PLEKHM2: variants seen among roughly 807,000 people sequenced by gnomAD.
PLEKHM2 encodes pleckstrin homology and RUN domain containing M2.
In PLEKHM2, 77 loss-of-function variants were observed where a neutral mutation model predicts 116.3. The observed-to-expected ratio is 0.66, with a 90% CI of 0.55 to 0.80. The LOEUF is 0.80. Ranked by LOEUF, PLEKHM2 falls within the 30% of genes least tolerant of loss-of-function variation. The pLI is 0.00. For missense variants in PLEKHM2, 1,183 were observed against 1,354.9 expected (o/e 0.87, Z 1.99); for synonymous variants, 562 against 571.0 (o/e 0.98, Z 0.22).
At chr1:15,684,683 C>A in intron 1 of PLEKHM2, 65 bp downstream of exon 1, 1 of 1,002,598 alleles carries the variant, frequency 1.0e-6, no homozygotes, top group Non-Finnish European at 1.3e-6. Flanking sequence ...CCTCCGGCGG[C>A]GCTCTCCCGG....
At chr1:15,709,916 T>C (rs1473628201) in intron 1 of PLEKHM2, among the ~76,000 whole-genome samples, 2 of 152,100 alleles carry the variant, frequency 1.3e-5, no homozygotes, top group African/African-American at 4.8e-5. Context: ...CTCCAAATGA[T>C]CTCTGGATTC....
At position 15,729,961 on chromosome 1, in the gene PLEKHM2, C is replaced by T; in HGVS notation, c.2208+32C>T. 6.3e-7 allele frequency: 1 copy of T among 1,590,432 alleles called. No homozygotes were observed. The highest frequency in any genetic ancestry group is 1.1e-5 in the South Asian group (1 of 89,494). ...ACCTGGGGAGGAAGCTGAGTGCAGC[C>T]CCTGAGATGGCAGAGCAGCAGCCGC... On this transcript the variant is annotated intron_variant, in intron 14 of 19. Coordinates refer to ENST00000375799, the MANE Select transcript of PLEKHM2 (RefSeq NM_015164.4). The surrounding 1 kb of genome is among the most constrained non-coding windows in gnomAD (Gnocchi z 4.7).
chr1:15,707,607 A>G (rs949195292), intron 1 of PLEKHM2, among the ~76,000 whole-genome samples: 8 of 152,148 alleles, frequency 5.3e-5, no homozygotes, highest in African/African-American at 1.7e-4. Context: ...CCACATGAAC[A>G]GAAAGGAAAC....
At chr1:15,711,574 G>A (rs926505443) in intron 1 of PLEKHM2, among the ~76,000 whole-genome samples, 2 of 151,280 alleles carry the variant, frequency 1.3e-5, no homozygotes, top group Non-Finnish European at 2.9e-5. Flanking sequence ...CCGAGACTGT[G>A]CCAGTGCACT....
rs1164680095 is a variant in PLEKHM2 at position 15,729,021 on chromosome 1, AG to A, written c.1987-80del. On this transcript the variant is annotated intron_variant, in intron 12 of 19. Coordinates refer to ENST00000375799, the MANE Select transcript of PLEKHM2 (RefSeq NM_015164.4). The surrounding 1 kb of genome is among the most constrained non-coding windows in gnomAD (Gnocchi z 4.7). The stretch of plus-strand genomic sequence containing the variant: ...GGGGTGTGCTTCTTCCTCCCCAGCA[AG>A]CGCTCAGCCTGGCCAAGCTGCCTTC... 11 of 1,306,106 alleles carry A rather than the reference AG, an allele frequency of 8.4e-6. No homozygotes were observed. Among genetic ancestry groups the A allele is most frequent in the Non-Finnish European group, 1.2e-5 (11 of 925,220 alleles). The allele number at this position is 1,306,106 out of a possible 1,614,324, so 80.9% of individuals were successfully genotyped here. A position where few individuals can be genotyped will look rare whatever the true frequency, so the allele number is the denominator to read the frequency against.
At chr1:15,715,097 G>A (rs1195148711) in intron 1 of PLEKHM2, among the ~76,000 whole-genome samples, 2 of 152,136 alleles carry the variant, frequency 1.3e-5, no homozygotes, top group African/African-American at 4.8e-5. Flanking sequence ...AGGGCTTAAC[G>A]TGAGCCTTGC....
In PLEKHM2 at chr1:15,727,410, G is replaced by A. The variant is rs766745026; in HGVS notation, c.1338G>A (p.Pro446=). 3.1e-5 allele frequency: 49 copies of A among 1,605,232 alleles called. 1 individual carries two copies. The Admixed American group carries it at 5.4e-4, about 18-fold the overall frequency. The stretch of plus-strand genomic sequence containing the variant: ...GGACCGGCTCTCCCGGGGATGCCCC[G>A]GAGAGGCCGCCGCTTTGCGACTTTA... ...SFRTGSPGDA[P]ERPPLCDFSE... Residue 446 remains proline (P), a synonymous_variant, in exon 9 of 20, where the codon CCG becomes CCA. Transcript: ENST00000375799. The surrounding 1 kb of genome is among the most constrained non-coding windows in gnomAD (Gnocchi z 7.5).
At chr1:15,685,761 G>A (rs1379391982) in intron 1 of PLEKHM2, among the ~76,000 whole-genome samples, 1 of 152,112 alleles carries the variant, frequency 6.6e-6, no homozygotes, top group East Asian at 1.9e-4. Context: ...GACTTAAAAA[G>A]AAAATAGATT....
rs571146180 is a variant in PLEKHM2, at chr1:15,725,374, G to T, written c.770G>T (p.Ser257Ile). The change falls in exon 8 of 20, where the codon AGC becomes ATC. Residue 257 changes from serine (S) to isoleucine (I), a missense_variant. By Grantham distance (142) the Ser-to-Ile change is moderately radical. This residue lies in a region of PLEKHM2 where 372 missense variants were observed against 357.2 expected (regional missense o/e 1.04). Coordinates refer to ENST00000375799, the MANE Select transcript of PLEKHM2 (RefSeq NM_015164.4). ...GPRSTASDLT[S>I]SKASTRSPTQ... Reference sequence around the variant, plus strand: ...CGCTCCACAGCCTCCGACCTGACCAGCAGCAAGGCCTCCACCAGGAGCCCC... The same window carrying T: ...CGCTCCACAGCCTCCGACCTGACCATCAGCAAGGCCTCCACCAGGAGCCCC... The T allele has an allele frequency of 2.6e-6, 4 of 1,551,778 alleles. No homozygotes were observed. In the South Asian group the frequency reaches 4.8e-5, roughly 18 times the overall value.
rs371948769 is a variant in PLEKHM2, at chr1:15,700,620, A to C, written c.61-15617A>C. ...CAACTCCCTTCACACACCCTTCTGC[A>C]CAGGGCAGGACATTCTTACTGAATG... On this transcript the variant is annotated intron_variant, in intron 1 of 19. Coordinates refer to ENST00000375799, the MANE Select transcript of PLEKHM2 (RefSeq NM_015164.4). Among the ~76,000 whole-genome samples the C allele has an allele frequency of 6.6e-5, 10 of 152,302 alleles. No homozygotes were observed. In the South Asian group the frequency reaches 1.2e-3, roughly 19 times the overall value.
Position 15,732,009 on chromosome 1 carries a change from C to T in PLEKHM2, c.2586C>T (p.Ala862=), listed in dbSNP as rs372889182. 3.2e-5 allele frequency: 51 copies of T among 1,612,370 alleles called. No individual in the cohort carries two copies. In the African/African-American group the frequency reaches 5.5e-4, roughly 17 times the overall value. The change falls in exon 17 of 20, where the codon GCC becomes GCT. Residue 862 remains alanine (A), a synonymous_variant. Coordinates refer to ENST00000375799, the MANE Select transcript of PLEKHM2 (RefSeq NM_015164.4). The part of the protein sequence containing the change: ...ELSAESEAEM[A]EWMQHLCQAV... ...GTGCCGAGAGCGAGGCCGAGATGGC[C>T]GAGTGGATGCAGCATCTCTGCCAGG...
chr1:15,700,187 TA>T, intron 1 of PLEKHM2, among the ~76,000 whole-genome samples: 1 of 152,154 alleles, frequency 6.6e-6, no homozygotes, highest in Non-Finnish European at 1.5e-5. Context: ...GCCCTGGGGA[TA>T]GCCCATGGCC....
chr1:15,727,141 AGCC>A lies in PLEKHM2; in HGVS notation c.1070_1072del (p.Ser357_Pro358delinsThr). 6.3e-7 allele frequency: 1 copy of A among 1,594,296 alleles called. No individual in the cohort carries two copies. Among genetic ancestry groups the A allele is most frequent in the Non-Finnish European group, 8.5e-7 (1 of 1,169,808 alleles). The stretch of plus-strand genomic sequence containing the variant: ...GGGGGACGGTGACAGCCGCAACGGC[AGCC>A]CAAGCCTTGGGCGGGACTCGCCAGA... On this transcript the variant is annotated inframe_deletion, in exon 9 of 20. Transcript: ENST00000375799. This position sits in a 1 kb window ranked among gnomAD's most constrained non-coding sequence, Gnocchi z 7.5.
intron 1 of PLEKHM2, among the ~76,000 whole-genome samples, chr1:15,715,234 A>G (rs1641421050): frequency 6.6e-6 from 1 of 152,224 alleles, no homozygotes; most frequent in African/African-American, 2.4e-5. Flanking sequence ...GGGTAGCTCC[A>G]AGTGGGGCCA....
At chr1:15,720,260 C>CA in intron 6 of PLEKHM2, 1 of 837,564 alleles carries the variant, frequency 1.2e-6, no homozygotes, top group Non-Finnish European at 1.4e-6. Context: ...AACCTTGTCG[C>CA]AGGGTTGAGT....
At chr1:15,702,322 G>A (rs12741198) in intron 1 of PLEKHM2, among the ~76,000 whole-genome samples, 44,866 of 152,124 alleles carry the variant, frequency 0.29, 8,098 homozygotes, top group East Asian at 0.59. Flanking sequence ...CGGAGGTTGA[G>A]ATGAGCTTAT....
intron 1 of PLEKHM2, among the ~76,000 whole-genome samples, chr1:15,710,581 C>T (rs992961727): frequency 1.3e-5 from 2 of 151,986 alleles, no homozygotes; most frequent in Non-Finnish European, 2.9e-5. Flanking sequence ...CCTGCTTTGG[C>T]CTCCCAAGGT....
rs755254385 is a variant in PLEKHM2 at position 15,716,728 on chromosome 1, C to A, written c.189C>A (p.Gly63=). Residue 63 remains glycine, a synonymous_variant, in exon 3 of 20, where the codon GGC becomes GGA. Transcript: ENST00000375799. ...LLYGLQDLSS[G]YWVLVVHFTR... ...TCAGACTGCAAGACCTCTCCTCTGG[C>A]TACTGGGTGCTCGTGGTGCATTTTA... 2.7e-5 allele frequency: 42 copies of A among 1,573,928 alleles called. No homozygotes were observed. The highest frequency in any genetic ancestry group is 3.6e-5 in the Non-Finnish European group (42 of 1,159,484).
At chr1:15,682,268 G>A (rs1349009324), upstream of PLEKHM2, among the ~76,000 whole-genome samples, 1 of 151,714 alleles carries the variant, frequency 6.6e-6, no homozygotes, top group Admixed American at 6.6e-5. Flanking sequence ...GGCCAACATG[G>A]CGAAACCCCG....
Sources: allele counts gnomAD v4.1 joint callset (sites outside exome capture counted in the v4.1 genomes callset), GRCh38; gene constraint gnomAD v4.1.1; regional missense constraint gnomAD v4.1.1; non-coding constraint Gnocchi (gnomAD v3.1); transcripts MANE v1.5; gene names NCBI Gene and HGNC (gene_info 2026-07-23, HGNC 2026-07-21).